Variants in ST3GAL6 observed in about 807,000 individuals in gnomAD.
ST3GAL6 encodes type 2 lactosamine alpha-2,3-sialyltransferase.
Under a neutral mutation model 40.5 loss-of-function variants are expected in ST3GAL6, and 31 were observed. The observed-to-expected ratio is 0.77, with a 90% CI of 0.58 to 1.03. The LOEUF (loss-of-function observed/expected upper bound fraction) is 1.03, where lower values mean the gene tolerates loss of function less well. Among genes scored for constraint, ST3GAL6 ranks in the 50% least tolerant of loss-of-function variants. The probability of loss-of-function intolerance (pLI) is 0.00; values close to 1 mark genes in which losing one functional copy is unlikely to be tolerated. For missense variants in ST3GAL6, 357 were observed against 393.2 expected (o/e 0.91, Z 0.78); for synonymous variants, 129 against 136.9 (o/e 0.94, Z 0.40).
intron 1 of ST3GAL6, among the ~76,000 whole-genome samples, chr3:98,743,027 GA>G (rs1382113907): frequency 2.3e-5 from 2 of 85,326 alleles, no homozygotes; most frequent in African/African-American, 9.3e-5. Context: ...TTTTTTTTCT[GA>G]GACAAGGTCT....
At chr3:98,733,431 A>G (rs1262610426) in intron 1 of ST3GAL6, 1 of 1,000,410 alleles carries the variant, frequency 1.0e-6, no homozygotes, top group Non-Finnish European at 1.2e-6. Flanking sequence ...CTCGTTCACT[A>G]TTGTTTTCTT....
intron 3 of ST3GAL6, 150 bp downstream of exon 3, chr3:98,771,106 T>C: frequency 1.3e-6 from 2 of 1,517,320 alleles, no homozygotes; most frequent in Non-Finnish European, 1.8e-6. Context: ...ATCCTGTCTC[T>C]TTTTGTGCTT....
At position 98,772,923 on chromosome 3, in the gene ST3GAL6, A is replaced by G. The variant is rs369120597; in HGVS notation, c.271+7A>G. The G allele has an allele frequency of 5.6e-5, 88 of 1,570,346 alleles. No homozygotes were observed. The highest frequency in any genetic ancestry group is 2.9e-4 in the East Asian group (13 of 44,522). On this transcript the variant is annotated splice_region_variant and intron_variant, in intron 4 of 9. Transcript: ENST00000483910. ...TATGGGATGAGAACATCAGGTCAGT[A>G]GTAGTATTCTTACCTGGTTCTGTTA...
chr3:98,777,912 A>C, intron 5 of ST3GAL6, among the ~76,000 whole-genome samples: 1 of 152,162 alleles, frequency 6.6e-6, no homozygotes, highest in East Asian at 1.9e-4. Flanking sequence ...CAAGGCCCTA[A>C]TCCTTCCTGG....
intron 9 of ST3GAL6, 76 bp downstream of exon 9, chr3:98,792,069 T>C (rs1941256206): frequency 7.3e-7 from 1 of 1,368,678 alleles, no homozygotes; most frequent in Non-Finnish European, 9.7e-7. Context: ...ATATTTTCTC[T>C]TCTCACACTC....
At chr3:98,739,889 T>C (rs1316212935) in intron 1 of ST3GAL6, among the ~76,000 whole-genome samples, 2 of 152,234 alleles carry the variant, frequency 1.3e-5, no homozygotes, top group Non-Finnish European at 2.9e-5. Flanking sequence ...AACTACATTT[T>C]AGAACAGCAA....
rs114453061 is a variant in ST3GAL6, at chr3:98,747,199, G to A, written c.-12+14667G>A. Among the ~76,000 whole-genome samples, 844 of 152,188 alleles carry A rather than the reference G, an allele frequency of 5.5e-3. 4 individuals are homozygous for A. Among genetic ancestry groups the A allele is most frequent in the African/African-American group, 0.019 (790 of 41,528 alleles). On this transcript the variant is annotated intron_variant, in intron 1 of 9. Coordinates refer to the ST3GAL6 transcript ENST00000265261. ...TCAATGCGCTCATTTTTTCAGCCCC[G>A]TCAGTATGGTTATCAGGAAGAGAAA...
At chr3:98,736,961 C>A (rs190040870) in intron 1 of ST3GAL6, among the ~76,000 whole-genome samples, 168 of 152,272 alleles carry the variant, frequency 1.1e-3, no homozygotes, top group Admixed American at 5.2e-3. Flanking sequence ...GAGTTTGAAT[C>A]GTATTCTAGT....
chr3:98,744,072 G>A (rs1051366909), intron 1 of ST3GAL6, among the ~76,000 whole-genome samples: 1 of 152,124 alleles, frequency 6.6e-6, no homozygotes, highest in Non-Finnish European at 1.5e-5. Context: ...ACAGAAACAC[G>A]GGAAAACACC....
chr3:98,779,394 A>G (rs2919234), intron 5 of ST3GAL6, among the ~76,000 whole-genome samples: 83,854 of 151,904 alleles, frequency 0.55, 23,314 homozygotes, highest in East Asian at 0.78. Context: ...AGCAAGGCAC[A>G]TGGGGTAATG....
intron 1 of ST3GAL6, among the ~76,000 whole-genome samples, chr3:98,764,203 C>G (rs1163396089): frequency 6.6e-6 from 1 of 152,100 alleles, no homozygotes; most frequent in African/African-American, 2.4e-5. Context: ...TTGCACTAAC[C>G]TAATGCTTGA....
intron 3 of ST3GAL6, among the ~76,000 whole-genome samples, chr3:98,772,595 G>A (rs1307736771): frequency 6.6e-6 from 1 of 151,830 alleles, no homozygotes; most frequent in Non-Finnish European, 1.5e-5. Flanking sequence ...GCTGCAAAGT[G>A]TTTTCATTTC....
At chr3:98,782,356 A>G in intron 5 of ST3GAL6, 1 of 699,058 alleles carries the variant, frequency 1.4e-6, no homozygotes, top group Non-Finnish European at 2.6e-6. Context: ...TTGATAGGGA[A>G]AATATCAGCA....
intron 1 of ST3GAL6, among the ~76,000 whole-genome samples, chr3:98,752,925 G>A (rs1937132963): frequency 6.6e-6 from 1 of 152,090 alleles, no homozygotes; most frequent in African/African-American, 2.4e-5. Context: ...TTGGGCTTCC[G>A]TATTCTCTGA....
chr3:98,734,714 G>A (rs1403781177), intron 1 of ST3GAL6, among the ~76,000 whole-genome samples: 6 of 152,118 alleles, frequency 3.9e-5, no homozygotes, highest in Admixed American at 3.9e-4. Flanking sequence ...TGAGGCTCAA[G>A]AATAGACAGT....
At position 98,794,366 on chromosome 3, in the gene ST3GAL6, TAACTAAAGAAA is replaced by T. The variant is rs1941440830; in HGVS notation, c.*606_*616del. ...ATAAAGTTCTTATTAGATAAGTAAATAACTAAAGAAAGAATACAATTACTAAACTCTGATGG... is the reference window on the plus strand; with the variant it reads ...ATAAAGTTCTTATTAGATAAGTAAATGAATACAATTACTAAACTCTGATGG... On this transcript the variant is annotated 3_prime_UTR_variant, in exon 10 of 10. Transcript: ENST00000483910. 6.6e-6 allele frequency: 1 copy of T among 152,088 alleles called. No individual in the cohort carries two copies. Among genetic ancestry groups the T allele is most frequent in the Non-Finnish European group, 1.5e-5 (1 of 68,014 alleles). The allele number at this position is 152,088 out of a possible 1,614,324, so 9.4% of individuals were successfully genotyped here. A position where few individuals can be genotyped will look rare whatever the true frequency, so the allele number is the denominator to read the frequency against.
At chr3:98,766,673 A>G (rs987061222) in intron 1 of ST3GAL6, among the ~76,000 whole-genome samples, 17 of 152,232 alleles carry the variant, frequency 1.1e-4, no homozygotes, top group Non-Finnish European at 1.9e-4. Flanking sequence ...CACCTGCCTC[A>G]GCCTCCCAAA....
chr3:98,771,197 C>G, intron 3 of ST3GAL6: 1 of 1,410,776 alleles, frequency 7.1e-7, no homozygotes. Context: ...ACAGGTGAGG[C>G]TAGAGAGGTC....
intron 1 of ST3GAL6, chr3:98,733,392 A>G (rs1052684868): frequency 8.7e-6 from 9 of 1,030,742 alleles, no homozygotes; most frequent in Middle Eastern, 4.6e-4. Context: ...AGGTTGTGCA[A>G]TTGGGAAGCC....
Sources: gnomAD v4.1 joint callset for allele counts (sites outside exome capture counted in the v4.1 genomes callset) on GRCh38, gnomAD v4.1.1 for gene constraint, MANE v1.5 for transcripts, NCBI Gene and HGNC (gene_info 2026-07-23, HGNC 2026-07-21) for gene names.